PTGER3: variants seen among roughly 807,000 people sequenced by gnomAD.
PTGER3 encodes prostaglandin E receptor 3.
A neutral mutation model predicts 34.7 loss-of-function variants in PTGER3; 22 were observed. The observed-to-expected ratio is 0.63, with a 90% CI of 0.45 to 0.91. The LOEUF (loss-of-function observed/expected upper bound fraction) is 0.91. Ranked by LOEUF, PTGER3 falls within the 40% of genes least tolerant of loss-of-function variation. The pLI is 0.00. For missense variants in PTGER3, 468 were observed against 519.4 expected, an observed-to-expected ratio of 0.90 and a Z score of 0.96; for synonymous variants, 241 against 230.1, an observed-to-expected ratio of 1.05 and a Z score of -0.43.
intron 4 of PTGER3, among the ~76,000 whole-genome samples, chr1:70,907,940 A>G (rs927593717): frequency 3.9e-5 from 6 of 152,202 alleles, no homozygotes; most frequent in Admixed American, 6.5e-5. Flanking sequence ...CAGAGCTTCA[A>G]GAAGTACATC....
chr1:70,932,906 G>A (rs1450476441), intron 4 of PTGER3, among the ~76,000 whole-genome samples: 17 of 152,038 alleles, frequency 1.1e-4, no homozygotes, highest in Admixed American at 1.1e-3. Context: ...TATACACATA[G>A]AGATACAAAA....
chr1:70,983,001 AAAC>A (rs2100735164), intron 2 of PTGER3, among the ~76,000 whole-genome samples: 1 of 152,274 alleles, frequency 6.6e-6, no homozygotes, highest in South Asian at 2.1e-4. Context: ...AAAAGAGGCT[AAAC>A]AACTAAGTGA....
At chr1:70,935,693 A>ATATATATATATATATATATATAT (rs1491421864) in intron 4 of PTGER3, among the ~76,000 whole-genome samples, 2 of 140,726 alleles carry the variant, frequency 1.4e-5, no homozygotes, top group African/African-American at 5.1e-5. Flanking sequence ...ATATATATAT[A>ATATATATATATATATATATATAT]TGTTCTGCTT....
intron 4 of PTGER3, among the ~76,000 whole-genome samples, chr1:70,895,250 C>T (rs1646700088): frequency 6.6e-6 from 1 of 152,314 alleles, no homozygotes; most frequent in Middle Eastern, 3.4e-3. Flanking sequence ...AGTCCACACT[C>T]TTTGTGTATC....
In PTGER3 at chr1:70,982,056, G is replaced by A. The variant is rs184058423; in HGVS notation, c.1078-7668C>T. On this transcript the variant is annotated intron_variant, in intron 2 of 3. Transcript: ENST00000306666. ...CTGGACAGAGGTGGATCCAGGTTTT[G>A]TGGCATCTGAAGAGTACAAAACTTT... Among the ~76,000 whole-genome samples the A allele has an allele frequency of 2.1e-3, 319 of 152,262 alleles. 1 individual carries two copies. Among genetic ancestry groups the A allele is most frequent in the African/African-American group, 7.1e-3 (295 of 41,528 alleles).
intron 2 of PTGER3, among the ~76,000 whole-genome samples, chr1:70,994,831 T>G (rs917044671): frequency 6.6e-6 from 1 of 152,184 alleles, no homozygotes; most frequent in Non-Finnish European, 1.5e-5. Flanking sequence ...TTTTTTTTGG[T>G]CATTTAAATC....
chr1:71,030,684 C>T (rs1659332975), intron 1 of PTGER3, among the ~76,000 whole-genome samples: 1 of 152,130 alleles, frequency 6.6e-6, no homozygotes, highest in Admixed American at 6.5e-5. Context: ...TACTGTCAGA[C>T]AAGTGAAAAC....
intron 4 of PTGER3, among the ~76,000 whole-genome samples, chr1:70,876,005 G>A (rs959780285): frequency 5.3e-5 from 8 of 152,232 alleles, no homozygotes; most frequent in African/African-American, 1.9e-4. Flanking sequence ...GTTCTTTGGG[G>A]AATCACTGCA....
At chr1:70,897,459 G>C (rs1021756189) in intron 4 of PTGER3, among the ~76,000 whole-genome samples, 2 of 152,146 alleles carry the variant, frequency 1.3e-5, no homozygotes, top group African/African-American at 2.4e-5. Context: ...AGAACACATG[G>C]GATCAAATAA....
At chr1:70,941,355 T>C (rs142374091) in intron 4 of PTGER3, among the ~76,000 whole-genome samples, 1 of 152,332 alleles carries the variant, frequency 6.6e-6, no homozygotes, top group East Asian at 1.9e-4. Context: ...AGACCTTTTT[T>C]GTTTGGGCAT....
intron 2 of PTGER3, among the ~76,000 whole-genome samples, chr1:70,986,864 A>G (rs767935078): frequency 5.3e-5 from 8 of 152,190 alleles, no homozygotes; most frequent in Non-Finnish European, 1.2e-4. Context: ...TTGATAAAAT[A>G]TCTTCAACCG....
At chr1:70,870,040 C>T (rs776642697) in intron 4 of PTGER3, among the ~76,000 whole-genome samples, 1 of 152,184 alleles carries the variant, frequency 6.6e-6, no homozygotes, top group Non-Finnish European at 1.5e-5. Context: ...TCTGTGAGGG[C>T]TCACTCTGAT....
chr1:71,036,552 AG>A (rs1474686770), intron 1 of PTGER3, among the ~76,000 whole-genome samples: 1 of 151,820 alleles, frequency 6.6e-6, no homozygotes, highest in Non-Finnish European at 1.5e-5. Context: ...AAAAAATAAA[AG>A]AAAGGGGCCC....
intron 4 of PTGER3, among the ~76,000 whole-genome samples, chr1:70,898,823 G>A (rs1180360780): frequency 6.6e-6 from 1 of 152,068 alleles, no homozygotes; most frequent in Admixed American, 6.5e-5. Flanking sequence ...ATAATCTCAT[G>A]TTCCTTTTTC....
chr1:70,950,877 TTTG>T (rs1329960662), downstream of PTGER3: 4 of 152,092 alleles, frequency 2.6e-5, no homozygotes, highest in African/African-American at 9.7e-5. Context: ...TTTCATTTTT[TTTG>T]TTGTTGTTTT....
intron 2 of PTGER3, among the ~76,000 whole-genome samples, chr1:70,991,825 T>C (rs1306359171): frequency 6.6e-6 from 1 of 152,190 alleles, no homozygotes; most frequent in Non-Finnish European, 1.5e-5. Context: ...TTTACTGTGT[T>C]ATTACTCAGA....
intron 1 of PTGER3, among the ~76,000 whole-genome samples, chr1:71,026,649 A>G (rs955324207): frequency 6.6e-6 from 1 of 150,920 alleles, no homozygotes; most frequent in Non-Finnish European, 1.5e-5. Context: ...TATTACTAAT[A>G]TTATATTATT....
chr1:70,954,082 G>A (rs188002607), intron 2 of PTGER3, among the ~76,000 whole-genome samples: 3 of 151,968 alleles, frequency 2.0e-5, no homozygotes, highest in South Asian at 4.2e-4. Context: ...TCCCTGTCCC[G>A]TCCCCACTCC....
At chr1:70,880,314 A>ATTATT (rs1557625279) in intron 4 of PTGER3, among the ~76,000 whole-genome samples, 1 of 151,650 alleles carries the variant, frequency 6.6e-6, no homozygotes, top group Admixed American at 6.6e-5. Flanking sequence ...TGAAAATGAT[A>ATTATT]TTATTTCTCC....
Sources: gnomAD v4.1 joint callset for allele counts (sites outside exome capture counted in the v4.1 genomes callset) on GRCh38, gnomAD v4.1.1 for gene constraint, MANE v1.5 for transcripts, NCBI Gene and HGNC (gene_info 2026-07-23, HGNC 2026-07-21) for gene names.